Variants in TAS2R1 observed in about 807,000 individuals in gnomAD.
The protein encoded by TAS2R1 is taste 2 receptor member 1.
For missense variants in TAS2R1, 370 were observed against 353.4 expected, an observed-to-expected ratio of 1.05 and a Z score of -0.38; for synonymous variants, 141 against 134.2, an observed-to-expected ratio of 1.05 and a Z score of -0.35.
chr5:9,755,500 T>A, the TAS2R1 span, among the ~76,000 whole-genome samples: 2 of 151,060 alleles, frequency 1.3e-5, no homozygotes, highest in Admixed American at 1.3e-4. Context: ...GGCGGGAGAA[T>A]TGCTTGATTC....
At chr5:9,868,152 G>A in the TAS2R1 span, among the ~76,000 whole-genome samples, 2 of 152,210 alleles carry the variant, frequency 1.3e-5, no homozygotes, top group African/African-American at 2.4e-5. Context: ...CCATTCTGGG[G>A]TTTGGAAGAT....
At chr5:9,693,389 C>A (rs891728767) in intron 1 of TAS2R1, among the ~76,000 whole-genome samples, 5 of 151,442 alleles carry the variant, frequency 3.3e-5, no homozygotes, top group Non-Finnish European at 7.4e-5. Context: ...CCAGACATGG[C>A]GGCACATGCC....
At chr5:9,752,718 GC>G in the TAS2R1 span, among the ~76,000 whole-genome samples, 3 of 151,014 alleles carry the variant, frequency 2.0e-5, no homozygotes, top group African/African-American at 7.3e-5. Flanking sequence ...CCCACAATAG[GC>G]CCCGGTGTGT....
At chr5:9,733,826 C>T in the TAS2R1 span, among the ~76,000 whole-genome samples, 5 of 149,942 alleles carry the variant, frequency 3.3e-5, no homozygotes, top group Non-Finnish European at 5.9e-5. Context: ...TCACCACCTC[C>T]GAAAAGAAAA....
At chr5:9,847,604 T>C in the TAS2R1 span, among the ~76,000 whole-genome samples, 2 of 152,228 alleles carry the variant, frequency 1.3e-5, no homozygotes, top group East Asian at 3.9e-4. Context: ...AGGGACTGGC[T>C]TGAGCCAATG....
intron 1 of TAS2R1, among the ~76,000 whole-genome samples, chr5:9,711,369 A>T (rs1454809132): frequency 6.6e-6 from 1 of 152,234 alleles, no homozygotes; most frequent in Non-Finnish European, 1.5e-5. Flanking sequence ...GCTACAACAC[A>T]GATGAACTTC....
At chr5:9,874,079 T>C in the TAS2R1 span, among the ~76,000 whole-genome samples, 1 of 152,118 alleles carries the variant, frequency 6.6e-6, no homozygotes, top group East Asian at 1.9e-4. Context: ...GGAGTTTATT[T>C]TAGGACATCA....
chr5:9,853,672 C>T, the TAS2R1 span, among the ~76,000 whole-genome samples: 6 of 151,996 alleles, frequency 3.9e-5, no homozygotes, highest in African/African-American at 9.7e-5. Flanking sequence ...AAACCCTTGG[C>T]GATATCTAGG....
At chr5:9,828,921 T>C in the TAS2R1 span, among the ~76,000 whole-genome samples, 3 of 152,210 alleles carry the variant, frequency 2.0e-5, no homozygotes, top group Non-Finnish European at 4.4e-5. Context: ...TTATTTTACT[T>C]CAGGTTGGTG....
the TAS2R1 span, among the ~76,000 whole-genome samples, chr5:9,760,406 G>A: frequency 6.6e-6 from 1 of 152,146 alleles, no homozygotes; most frequent in East Asian, 1.9e-4. Context: ...GAAATCTGTA[G>A]ACGAACATTT....
the TAS2R1 span, among the ~76,000 whole-genome samples, chr5:9,764,974 TACA>T: frequency 6.6e-6 from 1 of 152,124 alleles, no homozygotes; most frequent in Non-Finnish European, 1.5e-5. Context: ...ATGCTCACAA[TACA>T]ACATCAAGTG....
At chr5:9,663,140 A>G (rs1012496884) in intron 1 of TAS2R1, among the ~76,000 whole-genome samples, 1 of 151,906 alleles carries the variant, frequency 6.6e-6, no homozygotes, top group Non-Finnish European at 1.5e-5. Flanking sequence ...AAACTCATAA[A>G]GTTATCAGGA....
intron 1 of TAS2R1, among the ~76,000 whole-genome samples, chr5:9,702,760 G>A (rs1292297448): frequency 6.6e-6 from 1 of 152,126 alleles, no homozygotes; most frequent in African/African-American, 2.4e-5. Context: ...ATAGAAGGAT[G>A]GAATGCTGAC....
chr5:9,865,911 G>T, the TAS2R1 span, among the ~76,000 whole-genome samples: 2 of 152,298 alleles, frequency 1.3e-5, no homozygotes, highest in South Asian at 4.1e-4. Context: ...GAGGCTCATA[G>T]GCCATGATTT....
At chr5:9,813,360 A>T in the TAS2R1 span, among the ~76,000 whole-genome samples, 13 of 152,220 alleles carry the variant, frequency 8.5e-5, no homozygotes, top group Non-Finnish European at 1.6e-4. Flanking sequence ...ACTTTGTTAC[A>T]GTAGCCCTTG....
At chr5:9,757,474 G>A in the TAS2R1 span, among the ~76,000 whole-genome samples, 553 of 152,168 alleles carry the variant, frequency 3.6e-3, 3 homozygotes, top group African/African-American at 0.013. Flanking sequence ...AGAATAGCAC[G>A]GCTCATGAAC....
the TAS2R1 span, among the ~76,000 whole-genome samples, chr5:9,780,558 A>C: frequency 6.6e-6 from 1 of 152,186 alleles, no homozygotes; most frequent in Non-Finnish European, 1.5e-5. Flanking sequence ...AAGTCAGGAG[A>C]AGGGGCTCTT....
At chr5:9,756,790 A>G in the TAS2R1 span, among the ~76,000 whole-genome samples, 5 of 152,190 alleles carry the variant, frequency 3.3e-5, no homozygotes, top group Non-Finnish European at 7.3e-5. Flanking sequence ...GATTTGGGGC[A>G]CTTGATTTTG....
chr5:9,727,823 G>C, the TAS2R1 span, among the ~76,000 whole-genome samples: 1 of 152,188 alleles, frequency 6.6e-6, no homozygotes, highest in Non-Finnish European at 1.5e-5. Flanking sequence ...AGCTCCCAGG[G>C]CCCCAGTGAG....
Sources: gnomAD v4.1 joint callset for allele counts (sites outside exome capture counted in the v4.1 genomes callset) on GRCh38, gnomAD v4.1.1 for gene constraint, MANE v1.5 for transcripts, NCBI Gene and HGNC (gene_info 2026-07-23, HGNC 2026-07-21) for gene names.